Variants in ROBO2 observed in about 807,000 individuals in gnomAD.
ROBO2 encodes roundabout homolog 2.
In ROBO2, 53 loss-of-function variants were observed where a neutral mutation model predicts 160.8. The ratio of observed to expected loss-of-function variants is 0.33; its 90% CI spans 0.26 to 0.41. The LOEUF (loss-of-function observed/expected upper bound fraction) is 0.41. ROBO2 is among the 10% of genes least tolerant of loss of function. The pLI is 1.00. For missense variants in ROBO2, 1,577 were observed against 1,722.4 expected, an observed-to-expected ratio of 0.92 and a Z score of 1.49; for synonymous variants, 664 against 611.7, an observed-to-expected ratio of 1.09 and a Z score of -1.26.
intron 2 of ROBO2, among the ~76,000 whole-genome samples, chr3:76,265,104 A>C (rs1452173280): frequency 1.3e-5 from 2 of 152,140 alleles, no homozygotes; most frequent in Non-Finnish European, 2.9e-5. Context: ...TGCTGTTAAG[A>C]GGCATCCTCA....
At chr3:76,474,818 A>G (rs1402343136) in intron 2 of ROBO2, among the ~76,000 whole-genome samples, 7 of 152,022 alleles carry the variant, frequency 4.6e-5, no homozygotes, top group Non-Finnish European at 8.8e-5. Flanking sequence ...GCAGATTCGA[A>G]ACTGACTAAA....
chr3:76,327,101 T>C (rs551769212), intron 2 of ROBO2, among the ~76,000 whole-genome samples: 11 of 152,234 alleles, frequency 7.2e-5, no homozygotes, highest in African/African-American at 2.6e-4. Context: ...AAAGATATAA[T>C]CATTTTAAGG....
chr3:76,418,589 C>G (rs2075856123), intron 2 of ROBO2, among the ~76,000 whole-genome samples: 2 of 149,344 alleles, frequency 1.3e-5, no homozygotes, highest in South Asian at 4.2e-4. Context: ...TAAAAGTCTC[C>G]TTGTGGTGAT....
chr3:76,165,321 A>C (rs537502824), intron 2 of ROBO2, among the ~76,000 whole-genome samples: 2 of 149,728 alleles, frequency 1.3e-5, no homozygotes, highest in East Asian at 4.0e-4. Flanking sequence ...CTTCAACCTC[A>C]TGAGCTAATT....
intron 2 of ROBO2, among the ~76,000 whole-genome samples, chr3:76,775,226 T>C (rs910558711): frequency 1.3e-5 from 2 of 150,742 alleles, no homozygotes; most frequent in Admixed American, 6.6e-5. Context: ...AAAACAGAAA[T>C]GTTTTTACTG....
intron 2 of ROBO2, among the ~76,000 whole-genome samples, chr3:76,243,445 T>A (rs1327180059): frequency 6.6e-6 from 1 of 152,182 alleles, no homozygotes; most frequent in Admixed American, 6.5e-5. Context: ...AAGAGACACA[T>A]CTCTCATTAT....
chr3:75,974,568 T>G (rs1249745278), intron 2 of ROBO2, among the ~76,000 whole-genome samples: 2 of 151,662 alleles, frequency 1.3e-5, no homozygotes, highest in East Asian at 3.9e-4. Context: ...CAATTTAACT[T>G]TATGAATTAT....
intron 21 of ROBO2, among the ~76,000 whole-genome samples, chr3:77,609,161 C>A (rs1478237596): frequency 6.6e-6 from 1 of 151,856 alleles, no homozygotes; most frequent in African/African-American, 2.4e-5. Flanking sequence ...CTTCATTTGT[C>A]TCTCTGAGAC....
chr3:77,648,440 A>G (rs2095427212), exon 26 of ROBO2: 1 of 152,210 alleles, frequency 6.6e-6, no homozygotes. Flanking sequence ...GCATAGCATC[A>G]TACCTTCCTG....
At chr3:76,934,959 A>ATT (rs1362508946) in intron 2 of ROBO2, among the ~76,000 whole-genome samples, 3 of 147,310 alleles carry the variant, frequency 2.0e-5, no homozygotes, top group African/African-American at 5.0e-5. Flanking sequence ...GGCTTCACAA[A>ATT]TTTTTTTTTT....
At chr3:76,574,825 T>C (rs1227660217) in intron 2 of ROBO2, among the ~76,000 whole-genome samples, 1 of 152,096 alleles carries the variant, frequency 6.6e-6, no homozygotes, top group Non-Finnish European at 1.5e-5. Flanking sequence ...TGCTGTGTGA[T>C]CTCATAGGCT....
intron 2 of ROBO2, among the ~76,000 whole-genome samples, chr3:76,949,145 TG>T (rs2078802545): frequency 6.6e-6 from 1 of 151,816 alleles, no homozygotes; most frequent in Admixed American, 6.6e-5. Context: ...ATATTATAAA[TG>T]TGCTTAGTTT....
intron 2 of ROBO2, among the ~76,000 whole-genome samples, chr3:77,377,371 T>A (rs529392063): frequency 1.3e-5 from 2 of 152,326 alleles, no homozygotes; most frequent in East Asian, 3.9e-4. Context: ...ATATACTGTG[T>A]AAAAGGTACA....
chr3:77,335,002 T>A (rs1398116008), intron 2 of ROBO2, among the ~76,000 whole-genome samples: 2 of 152,212 alleles, frequency 1.3e-5, no homozygotes, highest in Non-Finnish European at 2.9e-5. Context: ...CTAAAAGAAG[T>A]TAAAACTTGA....
At chr3:77,042,049 A>G (rs992699818) in intron 1 of ROBO2, among the ~76,000 whole-genome samples, 14 of 152,196 alleles carry the variant, frequency 9.2e-5, no homozygotes, top group African/African-American at 3.1e-4. Flanking sequence ...ATTGGACTCA[A>G]AAAGGAAGGC....
At chr3:76,013,354 T>C (rs1387179763) in intron 2 of ROBO2, among the ~76,000 whole-genome samples, 1 of 138,480 alleles carries the variant, frequency 7.2e-6, no homozygotes, top group Non-Finnish European at 1.5e-5. Context: ...GGTGTATGCG[T>C]GTAATCCCAG....
chr3:76,209,830 G>T (rs1205070879), intron 2 of ROBO2, among the ~76,000 whole-genome samples: 1 of 152,142 alleles, frequency 6.6e-6, no homozygotes, highest in African/African-American at 2.4e-5. Flanking sequence ...CTTGAAAACA[G>T]ATTCAGAAGA....
intron 6 of ROBO2, among the ~76,000 whole-genome samples, chr3:77,530,670 A>C (rs2091633553): frequency 6.6e-6 from 1 of 152,006 alleles, no homozygotes. Flanking sequence ...TCTAACGTTC[A>C]TATTTGCTGG....
intron 3 of ROBO2, 109 bp downstream of exon 3, chr3:77,477,680 T>C: frequency 3.5e-6 from 4 of 1,144,972 alleles, no homozygotes; most frequent in South Asian, 1.4e-5. Context: ...ATTTGAATGT[T>C]AATTACAATT....
Sources: allele counts gnomAD v4.1 joint callset (sites outside exome capture counted in the v4.1 genomes callset), GRCh38; gene constraint gnomAD v4.1.1; transcripts MANE v1.5; gene names NCBI Gene and HGNC (gene_info 2026-07-23, HGNC 2026-07-21).